ZNF763: variants seen among roughly 807,000 people sequenced by gnomAD.
ZNF763 encodes DNA-binding protein.
A neutral mutation model predicts 38.0 loss-of-function variants in ZNF763; 33 were observed. The ratio of observed to expected loss-of-function variants is 0.87; its 90% CI spans 0.66 to 1.16. ZNF763 has a LOEUF of 1.16. Ranked by LOEUF, ZNF763 falls within the 50% of genes most tolerant of loss-of-function variation. The probability of loss-of-function intolerance (pLI) is 0.00; values close to 1 mark genes in which losing one functional copy is unlikely to be tolerated. For synonymous variants in ZNF763, 155 were observed against 160.1 expected (o/e 0.97, Z 0.24); for missense variants, 423 against 469.1 (o/e 0.90, Z 0.91).
Position 11,965,069 on chromosome 19 carries a change from G to GTGGTTGA in ZNF763, c.-138_-132dup. 1 of 1,086,770 alleles carries GTGGTTGA rather than the reference G, an allele frequency of 9.2e-7. No homozygotes were observed. The highest frequency in any genetic ancestry group is 1.3e-5 in the South Asian group (1 of 76,768). The allele number at this position is 1,086,770 out of a possible 1,614,324, so 67.3% of individuals were successfully genotyped here. ...CCTCACCTTTGTCCTTGCGCAGCCG[G>GTGGTTGA]TGGTTGATATCCGCTGTATCCATCC... On this transcript the variant is annotated 5_prime_UTR_variant, in exon 1 of 4. In the 5' UTR this introduces an upstream ATG that the reference lacks. Coordinates refer to ENST00000358987, the MANE Select transcript of ZNF763 (RefSeq NM_001367172.2).
chr19:11,979,860 A>C lies in ZNF763; in HGVS notation c.*751A>C. The C allele has an allele frequency of 6.7e-7, 1 of 1,496,504 alleles. No homozygotes were observed. Among genetic ancestry groups the C allele is most frequent in the Non-Finnish European group, 9.3e-7 (1 of 1,076,590 alleles). The allele number at this position is 1,496,504 out of a possible 1,614,324, so 92.7% of individuals were successfully genotyped here. On this transcript the variant is annotated 3_prime_UTR_variant, in exon 4 of 4. Transcript: ENST00000358987. ...AACCTTCGAATTCATGAAAGGACAC[A>C]AACACACGTAAGAATGCACTCTGTA...
chr19:11,972,307 G>A (rs916583096), intron 1 of ZNF763, among the ~76,000 whole-genome samples: 2 of 151,640 alleles, frequency 1.3e-5, no homozygotes, highest in Non-Finnish European at 2.9e-5. Flanking sequence ...AAAAAGGGAA[G>A]AAAAGAAAAA....
At chr19:11,968,164 T>C (rs957843257) in intron 1 of ZNF763, among the ~76,000 whole-genome samples, 12 of 152,226 alleles carry the variant, frequency 7.9e-5, no homozygotes, top group Non-Finnish European at 1.8e-4. Flanking sequence ...CCTAGGCACT[T>C]GCTTCCCTAA....
At chr19:11,968,072 A>T (rs905130246) in intron 1 of ZNF763, among the ~76,000 whole-genome samples, 5 of 152,156 alleles carry the variant, frequency 3.3e-5, no homozygotes, top group Non-Finnish European at 7.4e-5. Flanking sequence ...AATGTCAAAC[A>T]TGTTATGACC....
Position 11,977,119 on chromosome 19 carries a change from T to G in ZNF763, c.85T>G (p.Tyr29Asp). Reference sequence around the variant, plus strand: ...GCTGGATATTTCGCAGAGGAAACTCTACAGGGAAGTGATGCTGGAAACTTT... The same window carrying G: ...GCTGGATATTTCGCAGAGGAAACTCGACAGGGAAGTGATGCTGGAAACTTT... ...ALLDISQRKL[Y>D]REVMLETFRN... The change falls in exon 2 of 4, where the codon TAC (tyrosine) becomes GAC (aspartate). Residue 29 changes from tyrosine to aspartate, a missense_variant. Transcript: ENST00000358987. 1 of 1,614,168 alleles carries G rather than the reference T, an allele frequency of 6.2e-7. No individual in the cohort carries two copies.
intron 1 of ZNF763, among the ~76,000 whole-genome samples, chr19:11,970,409 T>G (rs1973326216): frequency 6.6e-6 from 1 of 152,184 alleles, no homozygotes; most frequent in Non-Finnish European, 1.5e-5. Context: ...GAGTAAAGTT[T>G]TCTTCTGTTA....
At chr19:11,976,547 C>T (rs1323296551) in intron 1 of ZNF763, among the ~76,000 whole-genome samples, 1 of 126,084 alleles carries the variant, frequency 7.9e-6, no homozygotes, top group Non-Finnish European at 1.6e-5. Flanking sequence ...CAGAACAAGA[C>T]TCTGTCTCAA....
At chr19:11,967,104 G>A (rs1973247716) in intron 1 of ZNF763, among the ~76,000 whole-genome samples, 1 of 152,196 alleles carries the variant, frequency 6.6e-6, no homozygotes, top group Non-Finnish European at 1.5e-5. Context: ...CAAGGCCAAG[G>A]CGGGAGGATC....
intron 1 of ZNF763, among the ~76,000 whole-genome samples, chr19:11,969,523 T>TC (rs1973306816): frequency 2.6e-5 from 4 of 152,228 alleles, no homozygotes; most frequent in Non-Finnish European, 5.9e-5. Context: ...ATTAGTAATT[T>TC]TCACGAGTTG....
rs1973558715 is a variant in ZNF763 at position 11,978,931 on chromosome 19, G to A, written c.1007G>A (p.Gly336Glu). 2 of 1,614,070 alleles carry A rather than the reference G, an allele frequency of 1.2e-6. No homozygotes were observed. The highest frequency in any genetic ancestry group is 1.7e-6 in the Non-Finnish European group (2 of 1,180,054). ...CTTAGACATAAAAGGAGTCACACGG[G>A]AGAGAAGCCTTATCAATGTAAGGAA... ...SYLRHKRSHT[G>E]EKPYQCKECR... The change falls in exon 4 of 4, where the codon GGA (glycine) becomes GAA (glutamate). Residue 336 changes from glycine (G) to glutamate (E), a missense_variant. Physicochemically the swap from Gly to Glu is moderately conservative, Grantham distance 98 (BLOSUM62 -2). Transcript: ENST00000358987.
intron 1 of ZNF763, among the ~76,000 whole-genome samples, chr19:11,965,800 C>G (rs531381086): frequency 6.6e-6 from 1 of 152,088 alleles, no homozygotes; most frequent in East Asian, 1.9e-4. Context: ...TGAGTGGTCC[C>G]GAGGCGGCTC....
rs200170833 is a variant in ZNF763 at position 11,977,051 on chromosome 19, G to T, written c.17G>T (p.Cys6Phe). 8.7e-6 allele frequency: 14 copies of T among 1,614,198 alleles called. No individual in the cohort carries two copies. The African/African-American group carries it at 1.1e-4, about 12-fold the overall frequency. The change falls in exon 2 of 4, where the codon TGT becomes TTT. Residue 6 changes from cysteine to phenylalanine, a missense_variant. Cys to Phe is a radical substitution (Grantham distance 205). Coordinates refer to ENST00000358987, the MANE Select transcript of ZNF763 (RefSeq NM_001367172.2). Reference sequence around the variant, plus strand: ...GAGATGTTTCAGGACCCTGTGGCCTGTGAGGATGTTGCTGTGAACTTCACC... The same window carrying T: ...GAGATGTTTCAGGACCCTGTGGCCTTTGAGGATGTTGCTGTGAACTTCACC... MDPVA[C>F]EDVAVNFTQE...
Position 11,978,867 on chromosome 19 carries a change from A to G in ZNF763, c.943A>G (p.Ser315Gly). The G allele has an allele frequency of 6.2e-7, 1 of 1,614,216 alleles. No homozygotes were observed. Among genetic ancestry groups the G allele is most frequent in the Middle Eastern group, 1.6e-4 (1 of 6,062 alleles). The change falls in exon 4 of 4, where the codon AGC (serine) becomes GGC (glycine). Residue 315 changes from serine (S) to glycine (G), a missense_variant. Physicochemically the swap from Ser to Gly is moderately conservative, Grantham distance 56. Coordinates refer to ENST00000358987, the MANE Select transcript of ZNF763 (RefSeq NM_001367172.2). ...THTGEKPCEC[S>G]KCNKAFRSYR... ...CACTGGGGAGAAGCCCTGTGAATGT[A>G]GCAAATGTAATAAAGCATTCCGTAG... is the stretch of plus-strand genomic sequence containing the variant.
intron 1 of ZNF763, among the ~76,000 whole-genome samples, chr19:11,972,287 T>C (rs1973369048): frequency 6.6e-6 from 1 of 151,636 alleles, no homozygotes; most frequent in Non-Finnish European, 1.5e-5. Flanking sequence ...TGAGACCCTG[T>C]TTCAGAAAAA....
chr19:11,969,165 C>T (rs1456406714), intron 1 of ZNF763, among the ~76,000 whole-genome samples: 4 of 152,296 alleles, frequency 2.6e-5, no homozygotes, highest in South Asian at 2.1e-4. Context: ...AGTGCAGCGG[C>T]GTGATCTCAG....
chr19:11,979,106 A>G lies in ZNF763; in HGVS notation c.1182A>G (p.Leu394=). The change falls in exon 4 of 4, where the codon TTA becomes TTG. Residue 394 remains leucine, a synonymous_variant. Transcript: ENST00000358987. The part of the protein sequence containing the change: ...TPKNALWRKT[L] ...AGAATGCGCTCTGGAGAAAGACCTT[A>G]TAAATGTTAGATATGTGGGAAAGGC... The G allele has an allele frequency of 1.9e-6, 3 of 1,613,846 alleles. No homozygotes were observed. Among genetic ancestry groups the G allele is most frequent in the Admixed American group, 1.7e-5 (1 of 59,936 alleles).
At chr19:11,975,571 G>C (rs747261626) in intron 1 of ZNF763, among the ~76,000 whole-genome samples, 1 of 151,694 alleles carries the variant, frequency 6.6e-6, no homozygotes, top group Non-Finnish European at 1.5e-5. Context: ...CCAATTTTTC[G>C]TATTTTTAGT....
chr19:11,966,630 T>TC (rs1973234683), intron 1 of ZNF763, among the ~76,000 whole-genome samples: 1 of 152,168 alleles, frequency 6.6e-6, no homozygotes, highest in African/African-American at 2.4e-5. Context: ...TGCCTCGGCC[T>TC]CCCAGTGTGC....
At position 11,978,968 on chromosome 19, in the gene ZNF763, A is replaced by T; in HGVS notation, c.1044A>T (p.Ala348=). ...KPYQCKECRK[A]FTYPSSLRRH... is the part of the protein sequence containing the mutation. ...ATCAATGTAAGGAATGTAGAAAAGC[A>T]TTCACGTATCCCAGTTCCCTTCGTA... Residue 348 remains alanine, a synonymous_variant, in exon 4 of 4, where the codon GCA becomes GCT. Coordinates refer to ENST00000358987, the MANE Select transcript of ZNF763 (RefSeq NM_001367172.2). 1.2e-6 allele frequency: 2 copies of T among 1,614,196 alleles called. No homozygotes were observed. Among genetic ancestry groups the T allele is most frequent in the Middle Eastern group, 1.7e-4 (1 of 6,060 alleles).
Sources: gnomAD v4.1 joint callset for allele counts (sites outside exome capture counted in the v4.1 genomes callset) on GRCh38, gnomAD v4.1.1 for gene constraint, MANE v1.5 for transcripts, NCBI Gene and HGNC (gene_info 2026-07-23, HGNC 2026-07-21) for gene names.